The following KCNAB1 variants were observed in gnomAD, a reference collection of about 807,000 sequenced individuals.
The protein encoded by KCNAB1 is potassium voltage-gated channel subfamily A regulatory beta subunit 1.
A neutral mutation model predicts 64.6 loss-of-function variants in KCNAB1; 35 were observed. The ratio of observed to expected loss-of-function variants is 0.54; its 90% CI spans 0.41 to 0.72. The LOEUF (loss-of-function observed/expected upper bound fraction) is 0.72. KCNAB1 is among the 30% of genes least tolerant of loss of function. KCNAB1 has a pLI of 0.00. For missense variants in KCNAB1, 401 were observed against 512.9 expected, an observed-to-expected ratio of 0.78 and a Z score of 2.11; for synonymous variants, 177 against 183.8, an observed-to-expected ratio of 0.96 and a Z score of 0.30.
At chr3:156,279,952 G>A (rs1719594489) in intron 1 of KCNAB1, among the ~76,000 whole-genome samples, 1 of 149,952 alleles carries the variant, frequency 6.7e-6, no homozygotes, top group African/African-American at 2.5e-5. Flanking sequence ...CTTTTGCTGT[G>A]CAGAAGCTCT....
At chr3:156,143,213 C>G (rs1410467672) in intron 1 of KCNAB1, 1 of 1,612,980 alleles carries the variant, frequency 6.2e-7, no homozygotes, top group Non-Finnish European at 8.5e-7. Flanking sequence ...GCAGACATCC[C>G]GAGCCCCAAG....
At chr3:156,383,795 G>A (rs1269091544) in intron 1 of KCNAB1, among the ~76,000 whole-genome samples, 4 of 152,216 alleles carry the variant, frequency 2.6e-5, no homozygotes. Context: ...TCTTTTGCCA[G>A]CTTGATAGGC....
chr3:156,449,655 A>G (rs1452371923), intron 2 of KCNAB1, among the ~76,000 whole-genome samples: 1 of 152,252 alleles, frequency 6.6e-6, no homozygotes, highest in East Asian at 1.9e-4. Context: ...AAGTCTGAGA[A>G]CATTTTTAGA....
intron 1 of KCNAB1, among the ~76,000 whole-genome samples, chr3:156,370,179 T>C (rs1286983359): frequency 6.6e-6 from 1 of 152,160 alleles, no homozygotes; most frequent in Non-Finnish European, 1.5e-5. Flanking sequence ...GGAGTTGAGC[T>C]TCAACTGGAT....
chr3:156,175,965 T>A, intron 1 of KCNAB1: 2 of 1,012,818 alleles, frequency 2.0e-6, no homozygotes, highest in Non-Finnish European at 3.1e-6. Context: ...GCTCATACAG[T>A]ATTCTCCTGC....
chr3:156,187,444 G>A (rs1713274628), intron 1 of KCNAB1, among the ~76,000 whole-genome samples: 1 of 152,108 alleles, frequency 6.6e-6, no homozygotes, highest in South Asian at 2.1e-4. Flanking sequence ...CTTCTATTCA[G>A]CATGTCTAAA....
At chr3:156,297,932 T>C (rs1720907886) in intron 1 of KCNAB1, among the ~76,000 whole-genome samples, 1 of 152,180 alleles carries the variant, frequency 6.6e-6, no homozygotes. Flanking sequence ...AAGAGCAGTT[T>C]GGTTATTTGA....
chr3:156,292,548 T>C (rs1311798810), intron 1 of KCNAB1, among the ~76,000 whole-genome samples: 2 of 152,150 alleles, frequency 1.3e-5, no homozygotes, highest in African/African-American at 4.8e-5. Flanking sequence ...CTTTTGTTTG[T>C]TTTGTTTGAG....
chr3:156,489,555 G>C (rs1715488592), intron 8 of KCNAB1, among the ~76,000 whole-genome samples: 1 of 152,098 alleles, frequency 6.6e-6, no homozygotes, highest in Non-Finnish European at 1.5e-5. Context: ...AAGCCACTTA[G>C]CCTCTGACTC....
intron 1 of KCNAB1, among the ~76,000 whole-genome samples, chr3:156,347,226 G>T (rs115619272): frequency 0.014 from 2,151 of 152,232 alleles, 21 homozygotes; most frequent in South Asian, 0.031. Context: ...TTGAGACAAA[G>T]GAAACTGTAG....
At chr3:156,145,942 A>G (rs1442372991) in intron 1 of KCNAB1, among the ~76,000 whole-genome samples, 1 of 152,188 alleles carries the variant, frequency 6.6e-6, no homozygotes, top group Non-Finnish European at 1.5e-5. Context: ...GTAGTTCACA[A>G]TCTGTGTAGG....
At chr3:156,388,904 A>G (rs908259067) in intron 1 of KCNAB1, among the ~76,000 whole-genome samples, 1 of 152,154 alleles carries the variant, frequency 6.6e-6, no homozygotes, top group Admixed American at 6.5e-5. Flanking sequence ...AGGGGCATTT[A>G]ATGATTAAAG....
chr3:156,404,989 C>G (rs1714153237), intron 1 of KCNAB1, among the ~76,000 whole-genome samples: 1 of 152,192 alleles, frequency 6.6e-6, no homozygotes, highest in Admixed American at 6.5e-5. Flanking sequence ...CAGTTATAAA[C>G]TTTAGACAAG....
At chr3:156,229,453 A>G (rs1429873373) in intron 1 of KCNAB1, among the ~76,000 whole-genome samples, 4 of 152,218 alleles carry the variant, frequency 2.6e-5, no homozygotes, top group African/African-American at 9.6e-5. Context: ...GATTATTACA[A>G]TTCGACATGA....
At chr3:156,304,163 A>T (rs1301950139) in intron 1 of KCNAB1, among the ~76,000 whole-genome samples, 1 of 152,248 alleles carries the variant, frequency 6.6e-6, no homozygotes, top group East Asian at 1.9e-4. Context: ...TAAGGATATT[A>T]GCACAGTCTC....
At chr3:156,142,378 T>A (rs1714757435) in intron 1 of KCNAB1, among the ~76,000 whole-genome samples, 2 of 152,206 alleles carry the variant, frequency 1.3e-5, no homozygotes, top group South Asian at 4.1e-4. Context: ...AAGTTTATAG[T>A]TTTACATTTT....
In KCNAB1 at chr3:156,452,862, G is replaced by A. The variant is rs552663816; in HGVS notation, c.320-37G>A. 5 of 1,479,386 alleles carry A rather than the reference G, an allele frequency of 3.4e-6. No individual in the cohort carries two copies. Among genetic ancestry groups the A allele is most frequent in the African/African-American group, 2.8e-5 (2 of 71,480 alleles). 91.6% of individuals were successfully genotyped at this position (1,479,386 alleles called of 1,614,324 possible). ...TTATTACGCACAATATTAGAAAAAT[G>A]ATGATGAATAATATGCAAATATTTA... On this transcript the variant is annotated intron_variant, in intron 2 of 13. Coordinates refer to ENST00000490337, the MANE Select transcript of KCNAB1 (RefSeq NM_172160.3). The surrounding 1 kb of genome is among the most constrained non-coding windows in gnomAD (Gnocchi z 4.6).
chr3:156,204,839 A>G (rs1287086148), intron 1 of KCNAB1, among the ~76,000 whole-genome samples: 11 of 152,114 alleles, frequency 7.2e-5, no homozygotes, highest in Non-Finnish European at 1.5e-4. Context: ...CTCAACAACA[A>G]CAATAACAAC....
chr3:156,453,342 A>G (rs1410478360), intron 3 of KCNAB1: 2 of 154,524 alleles, frequency 1.3e-5, no homozygotes, highest in African/African-American at 2.4e-5. Context: ...CATTGCAGAA[A>G]CCCTCTCAGT....
Sources: gnomAD v4.1 joint callset for allele counts (sites outside exome capture counted in the v4.1 genomes callset) on GRCh38, gnomAD v4.1.1 for gene constraint, Gnocchi (gnomAD v3.1) non-coding constraint, MANE v1.5 for transcripts, NCBI Gene and HGNC (gene_info 2026-07-23, HGNC 2026-07-21) for gene names.